The following ST3GAL2 variants were observed in gnomAD, a reference collection of about 807,000 sequenced individuals.
The protein encoded by ST3GAL2 is ST3 beta-galactoside alpha-2,3-sialyltransferase 2, also known as CMP-N-acetylneuraminate-beta-galactosamide-alpha-2,3-sialyltransferase 2.
In ST3GAL2, 16 loss-of-function variants were observed where a neutral mutation model predicts 37.5. That is an observed-to-expected ratio of 0.43 (90% confidence interval 0.29 to 0.65). The LOEUF (loss-of-function observed/expected upper bound fraction) is 0.65. Ranked by LOEUF, ST3GAL2 falls within the 30% of genes least tolerant of loss-of-function variation. ST3GAL2 has a pLI of 0.17. For synonymous variants in ST3GAL2, 238 were observed against 202.9 expected (o/e 1.17, Z -1.47); for missense variants, 383 against 487.8 (o/e 0.79, Z 2.02).
chr16:70,387,400 CAA>C (rs2047450604), intron 4 of ST3GAL2, among the ~76,000 whole-genome samples: 1 of 151,852 alleles, frequency 6.6e-6, no homozygotes, highest in Non-Finnish European at 1.5e-5. Flanking sequence ...ACTAAAAATA[CAA>C]AAATTAGCCA....
intron 1 of ST3GAL2, among the ~76,000 whole-genome samples, chr16:70,415,250 G>A (rs1460525686): frequency 6.6e-6 from 1 of 151,848 alleles, no homozygotes; most frequent in Non-Finnish European, 1.5e-5. Flanking sequence ...TGTTAGGGAT[G>A]AGCTGCCCCA....
intron 1 of ST3GAL2, among the ~76,000 whole-genome samples, chr16:70,434,532 A>T (rs1302531805): frequency 6.6e-6 from 1 of 152,182 alleles, no homozygotes; most frequent in Non-Finnish European, 1.5e-5. Flanking sequence ...AACTAAGAGC[A>T]GGGGCTGTGC....
chr16:70,388,271 T>G lies in ST3GAL2; in HGVS notation c.713+96A>C. 3 of 1,530,824 alleles carry G rather than the reference T, an allele frequency of 2.0e-6. No individual in the cohort carries two copies. The East Asian group carries it at 6.8e-5, about 35-fold the overall frequency. 94.8% of individuals were successfully genotyped at this position (1,530,824 alleles called of 1,614,324 possible). ...TCTCACCAGCCCCTCTTGGCCAAAATGTTCAATGAAAGGAATCCTACAATC... is the reference window on the plus strand; with the variant it reads ...TCTCACCAGCCCCTCTTGGCCAAAAGGTTCAATGAAAGGAATCCTACAATC... On this transcript the variant is annotated intron_variant, in intron 4 of 6. Coordinates refer to ENST00000342907, the MANE Select transcript of ST3GAL2 (RefSeq NM_006927.4).
intron 1 of ST3GAL2, among the ~76,000 whole-genome samples, chr16:70,428,399 C>T (rs531413632): frequency 6.6e-6 from 1 of 151,576 alleles, no homozygotes; most frequent in South Asian, 2.1e-4. Flanking sequence ...AGGAGTCTAT[C>T]TCTTCCCTCT....
intron 1 of ST3GAL2, among the ~76,000 whole-genome samples, chr16:70,403,664 T>A (rs907125437): frequency 8.5e-5 from 13 of 152,100 alleles, no homozygotes; most frequent in Non-Finnish European, 1.9e-4. Flanking sequence ...ATACAAAATA[T>A]TAGCTGGGCG....
At chr16:70,415,514 C>G (rs1038029156) in intron 1 of ST3GAL2, among the ~76,000 whole-genome samples, 9 of 149,820 alleles carry the variant, frequency 6.0e-5, no homozygotes, top group Admixed American at 2.0e-4. Flanking sequence ...GACAAACAAC[C>G]CCAGGGTGTT....
intron 1 of ST3GAL2, among the ~76,000 whole-genome samples, chr16:70,404,353 G>A (rs1026983272): frequency 1.3e-5 from 2 of 152,290 alleles, no homozygotes; most frequent in African/African-American, 2.4e-5. Context: ...AAAGTAAGGC[G>A]AGGACTGAGA....
At chr16:70,396,301 A>AG (rs967156362) in intron 2 of ST3GAL2, among the ~76,000 whole-genome samples, 2 of 148,556 alleles carry the variant, frequency 1.3e-5, no homozygotes, top group Admixed American at 6.7e-5. Flanking sequence ...TTTTACTCAA[A>AG]AAAAAAAAAA....
intron 4 of ST3GAL2, among the ~76,000 whole-genome samples, chr16:70,383,880 C>A (rs527711380): frequency 6.6e-6 from 1 of 151,652 alleles, no homozygotes; most frequent in East Asian, 1.9e-4. Flanking sequence ...AGCGATGGGG[C>A]CTTCCCTAGA....
chr16:70,419,801 G>A lies in ST3GAL2; in HGVS notation c.-1004+19148C>T, dbSNP rs181492474. Among the ~76,000 whole-genome samples, 55 of 152,202 alleles carry A rather than the reference G, an allele frequency of 3.6e-4. 1 individual carries two copies. The highest frequency in any genetic ancestry group is 1.3e-4 in the Admixed American group (2 of 15,274). On this transcript the variant is annotated intron_variant, in intron 1 of 6. Coordinates refer to ENST00000342907, the MANE Select transcript of ST3GAL2 (RefSeq NM_006927.4). ...AGTCATGGACCTCGCCTCCTCCACC[G>A]GGCTGGTATGACCTCTGCCTGTAAT...
At chr16:70,382,113 C>G (rs1427672145) in intron 6 of ST3GAL2, among the ~76,000 whole-genome samples, 3 of 149,782 alleles carry the variant, frequency 2.0e-5, no homozygotes, top group Non-Finnish European at 3.0e-5. Context: ...AAGCACTTGC[C>G]GGGCCTCAGC....
At position 70,379,176 on chromosome 16, in the gene ST3GAL2, G is replaced by A. The variant is rs2047375564; in HGVS notation, c.*2513C>T. 1.3e-5 allele frequency: 2 copies of A among 152,286 alleles called. 1 individual carries two copies. Among genetic ancestry groups the A allele is most frequent in the South Asian group, 4.1e-4 (2 of 4,830 alleles). The allele number at this position is 152,286 out of a possible 1,614,324, so 9.4% of individuals were successfully genotyped here. ...TATCGGAGCCTGATGGATACCTGGA[G>A]ACATCATGTTGACAGAGGCCAAAGT... On this transcript the variant is annotated 3_prime_UTR_variant, in exon 7 of 7. Coordinates refer to ENST00000342907, the MANE Select transcript of ST3GAL2 (RefSeq NM_006927.4).
chr16:70,406,905 A>T (rs775818689), intron 1 of ST3GAL2, among the ~76,000 whole-genome samples: 4 of 152,142 alleles, frequency 2.6e-5, no homozygotes, highest in Non-Finnish European at 5.9e-5. Context: ...TGATCCAGGA[A>T]AAAGAAGTGA....
At chr16:70,406,574 G>A (rs935333711) in intron 1 of ST3GAL2, among the ~76,000 whole-genome samples, 9 of 152,050 alleles carry the variant, frequency 5.9e-5, no homozygotes, top group Non-Finnish European at 2.9e-5. Flanking sequence ...CTGAGGTTAG[G>A]AGTTTGAGAC....
In ST3GAL2 at chr16:70,381,449, C is replaced by T; in HGVS notation, c.*240G>A. 1 of 558,386 alleles carries T rather than the reference C, an allele frequency of 1.8e-6. No individual in the cohort carries two copies. 34.6% of individuals were successfully genotyped at this position (558,386 alleles called of 1,614,324 possible). ...CCCGAAGGCCATTGATTGGAGGAGA[C>T]TGGACACAGCGCCGGAAGTTTTCCT... On this transcript the variant is annotated 3_prime_UTR_variant, in exon 7 of 7. Coordinates refer to ENST00000342907, the MANE Select transcript of ST3GAL2 (RefSeq NM_006927.4).
intron 1 of ST3GAL2, among the ~76,000 whole-genome samples, chr16:70,417,157 A>G (rs2047681910): frequency 6.6e-6 from 1 of 152,210 alleles, no homozygotes; most frequent in Non-Finnish European, 1.5e-5. Context: ...ATAAAGGCAC[A>G]CATAAAGCTC....
At chr16:70,433,063 G>A (rs886127311) in intron 1 of ST3GAL2, among the ~76,000 whole-genome samples, 1 of 152,176 alleles carries the variant, frequency 6.6e-6, no homozygotes, top group African/African-American at 2.4e-5. Flanking sequence ...CCAAAGCGAG[G>A]CCACATCACC....
At chr16:70,392,197 G>C (rs1377260226) in intron 3 of ST3GAL2, among the ~76,000 whole-genome samples, 1 of 152,230 alleles carries the variant, frequency 6.6e-6, no homozygotes, top group African/African-American at 2.4e-5. Context: ...GGAATGAAGG[G>C]AGCAAGAGGT....
At chr16:70,419,789 G>A (rs1020110582) in intron 1 of ST3GAL2, among the ~76,000 whole-genome samples, 3 of 152,130 alleles carry the variant, frequency 2.0e-5, no homozygotes, top group East Asian at 1.9e-4. Flanking sequence ...CATGGACCTC[G>A]CCTCCTCCAC....
Sources: gnomAD v4.1 joint callset for allele counts (sites outside exome capture counted in the v4.1 genomes callset) on GRCh38, gnomAD v4.1.1 for gene constraint, MANE v1.5 for transcripts, NCBI Gene and HGNC (gene_info 2026-07-23, HGNC 2026-07-21) for gene names.